Variants in BCL2L1 observed in about 807,000 individuals in gnomAD.
BCL2L1 encodes bcl-2-like protein 1.
BCL2L1 carries 1 observed loss-of-function variant against 18.7 expected under a neutral mutation model. The ratio of observed to expected loss-of-function variants is 0.05; its 90% CI spans 0.02 to 0.25. The LOEUF (loss-of-function observed/expected upper bound fraction) is 0.25. Among genes scored for constraint, BCL2L1 ranks in the 10% least tolerant of loss-of-function variants. The pLI is 1.00. For synonymous variants in BCL2L1, 103 were observed against 122.7 expected (o/e 0.84, Z 1.06); for missense variants, 207 against 304.9 (o/e 0.68, Z 2.39).
At chr20:31,692,832 C>G (rs1044015361) in intron 2 of BCL2L1, among the ~76,000 whole-genome samples, 2 of 151,992 alleles carry the variant, frequency 1.3e-5, no homozygotes, top group Non-Finnish European at 1.5e-5. Context: ...TCACTTTAAC[C>G]CGGGTGGCAG....
chr20:31,701,697 G>A (rs1179658478), intron 2 of BCL2L1, among the ~76,000 whole-genome samples: 3 of 152,194 alleles, frequency 2.0e-5, no homozygotes, highest in Non-Finnish European at 4.4e-5. Flanking sequence ...TTAAGAATAA[G>A]TGGCAAAAAT....
In BCL2L1 at chr20:31,702,945, T is replaced by C. The variant is rs6060802; in HGVS notation, c.564+18710A>G. On this transcript the variant is annotated intron_variant, in intron 2 of 2. Transcript: ENST00000307677. Reference sequence around the variant, plus strand: ...CTGGGCGACAGGGCAAGACTCCATCTCAAAAAAAAAAAAAAAAGTCTGGGT... The same window carrying C: ...CTGGGCGACAGGGCAAGACTCCATCCCAAAAAAAAAAAAAAAAGTCTGGGT... Among the ~76,000 whole-genome samples, 26 of 124,354 alleles carry C rather than the reference T, an allele frequency of 2.1e-4. 1 individual carries two copies. The highest frequency in any genetic ancestry group is 7.5e-4 in the African/African-American group (25 of 33,236). 81.6% of individuals were successfully genotyped at this position (124,354 alleles called of 152,430 possible).
At chr20:31,709,054 CT>C in intron 2 of BCL2L1, among the ~76,000 whole-genome samples, 1 of 152,304 alleles carries the variant, frequency 6.6e-6, no homozygotes, top group Middle Eastern at 3.4e-3. Flanking sequence ...GCAAGAGATT[CT>C]TTTTCTTAGG....
In BCL2L1 at chr20:31,707,057, C is replaced by A. The variant is rs2061377878; in HGVS notation, c.564+14598G>T. On this transcript the variant is annotated intron_variant, in intron 2 of 2. Transcript: ENST00000307677. Reference sequence around the variant, plus strand: ...GGCATGCTCCTACCCACTTTAAATACTTAACTCATTAAGTCTTCCACTCAG... The same window carrying A: ...GGCATGCTCCTACCCACTTTAAATAATTAACTCATTAAGTCTTCCACTCAG... Among the ~76,000 whole-genome samples, 5 of 152,330 alleles carry A rather than the reference C, an allele frequency of 3.3e-5. 1 individual carries two copies. The South Asian group carries it at 1.0e-3, about 32-fold the overall frequency.
chr20:31,708,572 C>A (rs1028391518), intron 2 of BCL2L1, among the ~76,000 whole-genome samples: 4 of 152,288 alleles, frequency 2.6e-5, no homozygotes, highest in African/African-American at 9.6e-5. Context: ...TCCCTTTAGG[C>A]CCCACCCTCC....
intron 2 of BCL2L1, among the ~76,000 whole-genome samples, chr20:31,707,189 G>C (rs1184244912): frequency 6.6e-6 from 1 of 152,168 alleles, no homozygotes. Context: ...GGTATGACTT[G>C]GGCCTTGTAG....
chr20:31,676,051 A>G (rs2060753493), intron 2 of BCL2L1, among the ~76,000 whole-genome samples: 2 of 152,150 alleles, frequency 1.3e-5, no homozygotes, highest in African/African-American at 4.8e-5. Flanking sequence ...GAATCGAGAA[A>G]GCTATCAGGC....
chr20:31,696,946 C>T (rs1051065599), intron 2 of BCL2L1, among the ~76,000 whole-genome samples: 1 of 151,264 alleles, frequency 6.6e-6, no homozygotes, highest in Non-Finnish European at 1.5e-5. Flanking sequence ...ATCCCAGCTA[C>T]TCGGGAGGCT....
chr20:31,716,187 ATCTG>A (rs2061533181), intron 2 of BCL2L1, among the ~76,000 whole-genome samples: 1 of 152,084 alleles, frequency 6.6e-6, no homozygotes, highest in South Asian at 2.1e-4. Context: ...CCTCCAGTTA[ATCTG>A]TCTATGTCAA....
chr20:31,673,686 C>T (rs1352932658), intron 2 of BCL2L1, among the ~76,000 whole-genome samples: 1 of 152,082 alleles, frequency 6.6e-6, no homozygotes, highest in Non-Finnish European at 1.5e-5. Context: ...AAACAAAAAA[C>T]TATTATTATG....
intron 2 of BCL2L1, among the ~76,000 whole-genome samples, chr20:31,676,352 A>C (rs2060760497): frequency 6.6e-6 from 1 of 152,174 alleles, no homozygotes; most frequent in African/African-American, 2.4e-5. Flanking sequence ...ACAGAGGCAG[A>C]GAGGATAAAT....
At chr20:31,701,157 G>A (rs1031336568) in intron 2 of BCL2L1, among the ~76,000 whole-genome samples, 12 of 152,162 alleles carry the variant, frequency 7.9e-5, no homozygotes, top group South Asian at 6.2e-4. Flanking sequence ...GGGTTCAAGC[G>A]ATTCTCCTGC....
At position 31,697,892 on chromosome 20, in the gene BCL2L1, G is replaced by GTTTTTTTTTTTTTTTTTTTTTTTTT. The variant is rs199575410; in HGVS notation, c.564+23762_564+23763insAAAAAAAAAAAAAAAAAAAAAAAAA. ...AGAATCCTCAGCATGTGCTGTTGCT[G>GTTTTTTTTTTTTTTTTTTTTTTTTT]TTTTTTTTTTTTTGAGACGGAGTCT... On this transcript the variant is annotated intron_variant, in intron 2 of 2. Coordinates refer to ENST00000307677, the MANE Select transcript of BCL2L1 (RefSeq NM_138578.3). Among the ~76,000 whole-genome samples, 184 of 129,626 alleles carry GTTTTTTTTTTTTTTTTTTTTTTTTT rather than the reference G, an allele frequency of 1.4e-3. 6 individuals are homozygous for GTTTTTTTTTTTTTTTTTTTTTTTTT. Among genetic ancestry groups the GTTTTTTTTTTTTTTTTTTTTTTTTT allele is most frequent in the African/African-American group, 5.6e-3 (171 of 30,486 alleles). The allele number at this position is 129,626 out of a possible 152,430, so 85.0% of individuals were successfully genotyped here.
intron 2 of BCL2L1, among the ~76,000 whole-genome samples, chr20:31,676,853 T>A (rs148115136): frequency 1.1e-4 from 16 of 152,332 alleles, no homozygotes; most frequent in Non-Finnish European, 2.2e-4. Flanking sequence ...CCCTCCTTCC[T>A]GGGTGGGACA....
intron 2 of BCL2L1, chr20:31,686,159 G>A (rs2060951759): frequency 6.6e-6 from 1 of 152,154 alleles, no homozygotes; most frequent in African/African-American, 2.4e-5. Context: ...TCAATGTTTT[G>A]TATATGCCAG....
At chr20:31,669,917 G>T (rs1485430362) in intron 2 of BCL2L1, among the ~76,000 whole-genome samples, 1 of 152,228 alleles carries the variant, frequency 6.6e-6, no homozygotes, top group Non-Finnish European at 1.5e-5. Flanking sequence ...CTGAGATGTA[G>T]ATTTGAGCCA....
intron 2 of BCL2L1, among the ~76,000 whole-genome samples, chr20:31,673,824 T>C (rs983116789): frequency 1.3e-5 from 2 of 152,202 alleles, no homozygotes; most frequent in African/African-American, 4.8e-5. Context: ...TGAGAGATTA[T>C]TTTTTGTCCT....
intron 2 of BCL2L1, among the ~76,000 whole-genome samples, chr20:31,691,070 T>C (rs2061060314): frequency 7.4e-6 from 1 of 134,962 alleles, no homozygotes; most frequent in African/African-American, 2.8e-5. Context: ...GGAGAATCGC[T>C]TGAACCCGGG....
chr20:31,710,007 C>A (rs894935978), intron 2 of BCL2L1, among the ~76,000 whole-genome samples: 3 of 152,132 alleles, frequency 2.0e-5, no homozygotes, highest in African/African-American at 4.8e-5. Context: ...TTGTTACATT[C>A]TTTTCACCTA....
Sources: gnomAD v4.1 joint callset for allele counts (sites outside exome capture counted in the v4.1 genomes callset) on GRCh38, gnomAD v4.1.1 for gene constraint, MANE v1.5 for transcripts, NCBI Gene and HGNC (gene_info 2026-07-23, HGNC 2026-07-21) for gene names.